The following SLC2A13 variants were observed in gnomAD, a reference collection of about 807,000 sequenced individuals.
SLC2A13 encodes the protein solute carrier family 2 member 13.
A neutral mutation model predicts 64.4 loss-of-function variants in SLC2A13; 32 were observed. That is an observed-to-expected ratio of 0.50 (90% CI 0.37 to 0.67). The LOEUF (loss-of-function observed/expected upper bound fraction) is 0.67, where lower values mean the gene tolerates loss of function less well. Ranked by LOEUF, SLC2A13 falls within the 30% of genes least tolerant of loss-of-function variation. SLC2A13 has a pLI of 0.00. For synonymous variants in SLC2A13, 338 were observed against 327.1 expected (o/e 1.03, Z -0.36); for missense variants, 743 against 829.2 (o/e 0.90, Z 1.28).
At chr12:39,899,055 G>A (rs1167957544) in intron 4 of SLC2A13, among the ~76,000 whole-genome samples, 2 of 152,024 alleles carry the variant, frequency 1.3e-5, no homozygotes, top group Admixed American at 1.3e-4. Flanking sequence ...CAGAAGGAAT[G>A]GTACCAGTTC....
At chr12:39,763,586 A>AAG (rs1940242450) in intron 9 of SLC2A13, among the ~76,000 whole-genome samples, 2 of 152,052 alleles carry the variant, frequency 1.3e-5, no homozygotes, top group Admixed American at 1.3e-4. Context: ...TGTTCTTGCA[A>AAG]AGAGAAATGA....
At chr12:39,798,219 G>C (rs79107034) in intron 7 of SLC2A13, among the ~76,000 whole-genome samples, 1,625 of 152,232 alleles carry the variant, frequency 0.011, 25 homozygotes, top group African/African-American at 0.036. Flanking sequence ...CCTTGGAAGT[G>C]GATCCTTCAG....
At chr12:39,982,834 G>T (rs1946935511) in intron 3 of SLC2A13, among the ~76,000 whole-genome samples, 2 of 136,406 alleles carry the variant, frequency 1.5e-5, no homozygotes, top group Non-Finnish European at 3.2e-5. Flanking sequence ...CTACTTTAAA[G>T]TTCATATGGA....
intron 6 of SLC2A13, among the ~76,000 whole-genome samples, chr12:39,847,003 G>A (rs764670710): frequency 1.3e-5 from 2 of 152,118 alleles, no homozygotes; most frequent in African/African-American, 2.4e-5. Flanking sequence ...TGGTTTCAAA[G>A]GCCAAGGAAA....
At chr12:39,801,318 T>A in intron 7 of SLC2A13, among the ~76,000 whole-genome samples, 1 of 115,962 alleles carries the variant, frequency 8.6e-6, no homozygotes. Flanking sequence ...TAAATATTTT[T>A]GAATAAATGA....
At chr12:39,760,340 C>A in intron 9 of SLC2A13, 88 bp from the exon 10 acceptor site, 1 of 1,241,836 alleles carries the variant, frequency 8.1e-7, no homozygotes, top group Non-Finnish European at 1.1e-6. Flanking sequence ...CTTTTTTTTT[C>A]TGGTCAGTCA....
chr12:39,986,720 T>G (rs556227), intron 3 of SLC2A13, among the ~76,000 whole-genome samples: 131,957 of 150,958 alleles, frequency 0.87, 57,723 homozygotes, highest in African/African-American at 0.91. Context: ...AGAGGGAGGG[T>G]GTTTATGGAC....
In SLC2A13 at chr12:40,017,976, T is replaced by A. The variant is rs868521748; in HGVS notation, c.925+10325A>T. On this transcript the variant is annotated intron_variant, in intron 3 of 9. Coordinates refer to ENST00000280871, the MANE Select transcript of SLC2A13 (RefSeq NM_052885.4). ...CTGAAGTGGCTTCAATGCACATATT[T>A]AAAAAAAAAAAAAAAAAGAAAGAAA... Among the ~76,000 whole-genome samples the A allele has an allele frequency of 9.9e-3, 1,274 of 128,540 alleles. 17 individuals are homozygous for A. Among genetic ancestry groups the A allele is most frequent in the African/African-American group, 0.035 (1,203 of 34,180 alleles). The allele number at this position is 128,540 out of a possible 152,430, so 84.3% of individuals were successfully genotyped here. A position where few individuals can be genotyped will look rare whatever the true frequency, so the allele number is the denominator to read the frequency against.
chr12:40,097,275 A>G (rs1295968820), intron 1 of SLC2A13, among the ~76,000 whole-genome samples: 1 of 152,176 alleles, frequency 6.6e-6, no homozygotes, highest in Non-Finnish European at 1.5e-5. Context: ...TAGAAGTAAA[A>G]TCTAGTATTT....
In SLC2A13 at chr12:40,105,137, A is replaced by T; in HGVS notation, c.556+116T>A. 8.3e-7 allele frequency: 1 copy of T among 1,200,432 alleles called. No homozygotes were observed. Among genetic ancestry groups the T allele is most frequent in the Non-Finnish European group, 1.0e-6 (1 of 957,382 alleles). The allele number at this position is 1,200,432 out of a possible 1,614,324, so 74.4% of individuals were successfully genotyped here. ...GCTCTGGAGGCCAGAGAAGTGGAGG[A>T]TTCTCTGACCCTGGGAGACCAGACG... On this transcript the variant is annotated intron_variant, in intron 1 of 9. Transcript: ENST00000280871. This position sits in a 1 kb window ranked among gnomAD's most constrained non-coding sequence, Gnocchi z 4.2.
rs1487059089 is a variant in SLC2A13 at position 39,988,135 on chromosome 12, T to G, written c.926-36770A>C. The stretch of plus-strand genomic sequence containing the variant: ...TTTGCATATATGTAGGGACAGTTTT[T>G]TTTAAATAGATTCCCAGATGCAAAA... On this transcript the variant is annotated intron_variant, in intron 3 of 9. Coordinates refer to ENST00000280871, the MANE Select transcript of SLC2A13 (RefSeq NM_052885.4). Among the ~76,000 whole-genome samples, 4 of 152,288 alleles carry G rather than the reference T, an allele frequency of 2.6e-5. No individual in the cohort carries two copies. In the East Asian group the frequency reaches 7.7e-4, roughly 29 times the overall value.
At chr12:39,839,489 T>C (rs1442460201) in intron 6 of SLC2A13, among the ~76,000 whole-genome samples, 1 of 152,112 alleles carries the variant, frequency 6.6e-6, no homozygotes, top group Admixed American at 6.6e-5. Context: ...CTCCCAGAGA[T>C]TGCTGGTGGT....
chr12:39,799,963 C>A (rs1360901455), intron 7 of SLC2A13, among the ~76,000 whole-genome samples: 2 of 152,166 alleles, frequency 1.3e-5, no homozygotes, highest in African/African-American at 4.8e-5. Context: ...TGCAGTGGAG[C>A]AGCTGATATG....
chr12:39,812,839 T>G (rs1289148674), intron 7 of SLC2A13, among the ~76,000 whole-genome samples: 1 of 144,136 alleles, frequency 6.9e-6, no homozygotes, highest in East Asian at 2.0e-4. Flanking sequence ...TATTACCTTT[T>G]TTTTTTTTTT....
intron 2 of SLC2A13, among the ~76,000 whole-genome samples, chr12:40,044,072 C>T (rs773198077): frequency 2.6e-5 from 4 of 151,920 alleles, no homozygotes; most frequent in Non-Finnish European, 5.9e-5. Context: ...TTTATATAGC[C>T]CCAAAATGTT....
intron 3 of SLC2A13, among the ~76,000 whole-genome samples, chr12:39,969,261 G>C (rs1405802571): frequency 1.3e-5 from 2 of 152,074 alleles, no homozygotes; most frequent in Non-Finnish European, 2.9e-5. Flanking sequence ...AATAAACATA[G>C]GTGTGCATGT....
intron 3 of SLC2A13, among the ~76,000 whole-genome samples, chr12:40,014,012 A>G (rs934202005): frequency 6.6e-6 from 1 of 152,204 alleles, no homozygotes; most frequent in Non-Finnish European, 1.5e-5. Context: ...ATACTCAAAC[A>G]TTATATAGCA....
At chr12:39,801,436 T>G (rs1489137141) in intron 7 of SLC2A13, among the ~76,000 whole-genome samples, 1 of 151,746 alleles carries the variant, frequency 6.6e-6, no homozygotes, top group Non-Finnish European at 1.5e-5. Flanking sequence ...AAAAGAGAGT[T>G]TTCCCAGAGA....
chr12:39,838,993 G>C (rs573134437), intron 6 of SLC2A13, among the ~76,000 whole-genome samples: 1 of 152,128 alleles, frequency 6.6e-6, no homozygotes, highest in South Asian at 2.1e-4. Flanking sequence ...ATGGCCACAG[G>C]TCCAATTTCA....
Sources: gnomAD v4.1 joint callset for allele counts (sites outside exome capture counted in the v4.1 genomes callset) on GRCh38, gnomAD v4.1.1 for gene constraint, Gnocchi (gnomAD v3.1) non-coding constraint, MANE v1.5 for transcripts, NCBI Gene and HGNC (gene_info 2026-07-23, HGNC 2026-07-21) for gene names.